DHX9: variants seen among roughly 807,000 people sequenced by gnomAD.
The protein encoded by DHX9 is DExH-box helicase 9.
In DHX9, 27 loss-of-function variants were observed where a neutral mutation model predicts 148.7. That is an observed-to-expected ratio of 0.18 (90% CI 0.13 to 0.25). DHX9 has a LOEUF of 0.25. Ranked by LOEUF, DHX9 falls within the 10% of genes least tolerant of loss-of-function variation. DHX9 has a pLI of 1.00. For missense variants in DHX9, 796 were observed against 1,559.6 expected, an observed-to-expected ratio of 0.51 and a Z score of 8.25; for synonymous variants, 529 against 516.6, an observed-to-expected ratio of 1.02 and a Z score of -0.33.
At chr1:182,845,393 A>G (rs1031387710) in intron 3 of DHX9, among the ~76,000 whole-genome samples, 1 of 151,856 alleles carries the variant, frequency 6.6e-6, no homozygotes, top group Non-Finnish European at 1.5e-5. Context: ...ATTCTGGGGT[A>G]CCAGATATTT....
At chr1:182,843,738 T>G (rs1453491332) in intron 3 of DHX9, among the ~76,000 whole-genome samples, 1 of 152,158 alleles carries the variant, frequency 6.6e-6, no homozygotes, top group African/African-American at 2.4e-5. Flanking sequence ...TTACCAATGA[T>G]AATACTTTAA....
intron 11 of DHX9, among the ~76,000 whole-genome samples, chr1:182,859,519 GATATAA>G (rs1320242720): frequency 6.6e-6 from 1 of 152,250 alleles, no homozygotes; most frequent in East Asian, 1.9e-4. Context: ...TTCTATTAGA[GATATAA>G]ATATACACAT....
At chr1:182,872,263 T>G (rs1571315908) in intron 14 of DHX9, 74 bp from the exon 15 acceptor site, 9 of 1,287,848 alleles carry the variant, frequency 7.0e-6, no homozygotes, top group Non-Finnish European at 1.1e-6. Context: ...CTTATGGCTG[T>G]ATAACTCTTT....
chr1:182,860,548 G>A (rs902966237), intron 12 of DHX9, among the ~76,000 whole-genome samples: 1 of 152,160 alleles, frequency 6.6e-6, no homozygotes, highest in Non-Finnish European at 1.5e-5. Context: ...AACTTTCACT[G>A]TATGCCATGT....
At chr1:182,846,635 T>C (rs1015103226) in intron 3 of DHX9, among the ~76,000 whole-genome samples, 3 of 152,214 alleles carry the variant, frequency 2.0e-5, no homozygotes, top group Admixed American at 6.5e-5. Context: ...TGTAATGTGG[T>C]AGTCTGTGTT....
chr1:182,861,078 A>G (rs1216550060), intron 12 of DHX9, among the ~76,000 whole-genome samples: 1 of 152,256 alleles, frequency 6.6e-6, no homozygotes, highest in Admixed American at 6.5e-5. Context: ...TATAAAGCAT[A>G]TATCTGAAAC....
chr1:182,882,344 A>G (rs901959916), intron 24 of DHX9, among the ~76,000 whole-genome samples: 2 of 152,204 alleles, frequency 1.3e-5, no homozygotes, highest in African/African-American at 4.8e-5. Context: ...CTAGAACAAA[A>G]TATGTCTGTG....
rs1130460 is a variant in DHX9 at position 182,858,208 on chromosome 1, T to C, written c.778T>C (p.Ser260Pro). 2 of 1,614,138 alleles carry C rather than the reference T, an allele frequency of 1.2e-6. No homozygotes were observed. Among genetic ancestry groups the C allele is most frequent in the Non-Finnish European group, 1.7e-6 (2 of 1,179,996 alleles). ...CCATCTTGGAGTGGTTGAAGCTTAC[T>C]CCGGACTTACAAAGAAGAAGGAAGG... ...LYHLGVVEAY[S>P]GLTKKKEGET... Residue 260 changes from serine (S) to proline (P), a missense_variant, in exon 8 of 28, where the codon TCC becomes CCC. This residue lies in a region of DHX9 where 63 missense variants were observed against 78.6 expected (regional missense o/e 0.80). Transcript: ENST00000367549.
chr1:182,843,268 C>T (rs1330295069), intron 2 of DHX9, 26 bp from the exon 3 acceptor site: 9 of 1,525,986 alleles, frequency 5.9e-6, no homozygotes, highest in Non-Finnish European at 7.9e-6. Context: ...AGGTCAGTCT[C>T]TTAGTACTTT....
intron 27 of DHX9, among the ~76,000 whole-genome samples, chr1:182,886,000 G>A (rs1347245070): frequency 6.6e-6 from 1 of 152,156 alleles, no homozygotes; most frequent in African/African-American, 2.4e-5. Context: ...ATGCAAGAGA[G>A]TTTAGGATGT....
chr1:182,848,054 T>G (rs1336403337), intron 3 of DHX9, among the ~76,000 whole-genome samples: 2 of 152,206 alleles, frequency 1.3e-5, no homozygotes, highest in African/African-American at 4.8e-5. Context: ...CTGTTCCAGC[T>G]ACAGTAGCTG....
In DHX9 at chr1:182,843,428, T is replaced by G. The variant is rs750920107; in HGVS notation, c.246T>G (p.Ala82=). 3 of 1,597,860 alleles carry G rather than the reference T, an allele frequency of 1.9e-6. No homozygotes were observed. Among genetic ancestry groups the G allele is most frequent in the South Asian group, 1.1e-5 (1 of 87,922 alleles). ...INEIKSEEVP[A]FGVASPPPLT... ...AAATAAAGAGTGAAGAAGTTCCAGCTTTTGGGGTAAGTACCTATGGCGAAG... is the reference window on the plus strand; with the variant it reads ...AAATAAAGAGTGAAGAAGTTCCAGCGTTTGGGGTAAGTACCTATGGCGAAG... Residue 82 remains alanine, a synonymous_variant, in exon 3 of 28, where the codon GCT becomes GCG. Transcript: ENST00000367549.
At chr1:182,886,385 A>G (rs1286945100) in intron 27 of DHX9, among the ~76,000 whole-genome samples, 1 of 151,760 alleles carries the variant, frequency 6.6e-6, no homozygotes, top group Non-Finnish European at 1.5e-5. Flanking sequence ...TAGTAGAAAC[A>G]GGGTTTTGCC....
intron 6 of DHX9, chr1:182,855,851 G>A (rs1479633338): frequency 5.1e-6 from 3 of 593,476 alleles, no homozygotes; most frequent in Non-Finnish European, 6.4e-6. Context: ...AGTTATCAAA[G>A]GGCAGTTTTT....
At chr1:182,860,312 A>G (rs1668337194) in intron 12 of DHX9, 128 bp downstream of exon 12, 3 of 831,636 alleles carry the variant, frequency 3.6e-6, no homozygotes, top group Non-Finnish European at 5.3e-6. Flanking sequence ...ATTTAAAAAA[A>G]GAAAACATAA....
chr1:182,841,868 TA>T (rs1443909615), intron 1 of DHX9, among the ~76,000 whole-genome samples: 3 of 152,204 alleles, frequency 2.0e-5, no homozygotes, highest in Non-Finnish European at 4.4e-5. Context: ...TAAAAAGGCC[TA>T]AAGGAGAGAT....
rs764071131 is a variant in DHX9 at position 182,887,465 on chromosome 1, CAGTA to C, written c.*34_*37del. ...GGTTATGTCAGTTCCTGTGTGTAGA[CAGTA>C]AGGAAAAAAAGGCATGCTATGTGTT... On this transcript the variant is annotated 3_prime_UTR_variant, in exon 28 of 28. Transcript: ENST00000367549. 3.5e-5 allele frequency: 55 copies of C among 1,570,446 alleles called. No homozygotes were observed. Among genetic ancestry groups the C allele is most frequent in the Non-Finnish European group, 4.2e-5 (48 of 1,154,674 alleles).
intron 18 of DHX9, 28 bp downstream of exon 18, chr1:182,876,569 A>T: frequency 2.5e-6 from 4 of 1,573,164 alleles, no homozygotes; most frequent in Non-Finnish European, 3.5e-6. Flanking sequence ...GAGTGATGGG[A>T]TTGGAAGTGA....
At chr1:182,875,140 T>C (rs1648700522) in intron 16 of DHX9, 186 bp downstream of exon 16, 2 of 630,322 alleles carry the variant, frequency 3.2e-6, no homozygotes, top group Non-Finnish European at 5.9e-6. Context: ...TGACAAGCTG[T>C]TTTCTATCAC....
Sources: gnomAD v4.1 joint callset for allele counts (sites outside exome capture counted in the v4.1 genomes callset) on GRCh38, gnomAD v4.1.1 for gene constraint, gnomAD v4.1.1 regional missense constraint, MANE v1.5 for transcripts, NCBI Gene and HGNC (gene_info 2026-07-23, HGNC 2026-07-21) for gene names.